The following CALCRL variants were observed in gnomAD, a reference collection of about 807,000 sequenced individuals.
CALCRL encodes calcitonin receptor like receptor.
Under a neutral mutation model 60.4 loss-of-function variants are expected in CALCRL, and 27 were observed. The observed-to-expected ratio is 0.45, with a 90% CI of 0.33 to 0.62. The LOEUF is 0.62. Ranked by LOEUF, CALCRL falls within the 20% of genes least tolerant of loss-of-function variation. CALCRL has a pLI of 0.03. For synonymous variants in CALCRL, 190 were observed against 182.6 expected (o/e 1.04, Z -0.33); for missense variants, 424 against 540.7 (o/e 0.78, Z 2.14).
intron 3 of CALCRL, among the ~76,000 whole-genome samples, chr2:187,386,848 T>G (rs1280020401): frequency 6.6e-6 from 1 of 152,100 alleles, no homozygotes; most frequent in Non-Finnish European, 1.5e-5. Context: ...TGAGAGTAAA[T>G]AAGGCTCACA....
At chr2:187,434,391 C>A (rs1469171644) in intron 1 of CALCRL, among the ~76,000 whole-genome samples, 2 of 152,194 alleles carry the variant, frequency 1.3e-5, no homozygotes, top group Non-Finnish European at 2.9e-5. Context: ...CTTACAAATT[C>A]ATTGTGACTC....
chr2:187,372,132 G>A (rs1687552494), intron 8 of CALCRL, among the ~76,000 whole-genome samples: 2 of 150,830 alleles, frequency 1.3e-5, no homozygotes, highest in Non-Finnish European at 3.0e-5. Flanking sequence ...TAGCAAAGAC[G>A]TTCTTTAAAA....
At chr2:187,409,102 C>T (rs72902495) in intron 1 of CALCRL, among the ~76,000 whole-genome samples, 41,280 of 151,966 alleles carry the variant, frequency 0.27, 6,091 homozygotes, top group Middle Eastern at 0.42. Flanking sequence ...GTAAAGAAAT[C>T]TTTTACATGT....
chr2:187,426,419 T>A (rs1324773583), intron 1 of CALCRL, among the ~76,000 whole-genome samples: 1 of 151,964 alleles, frequency 6.6e-6, no homozygotes, highest in Non-Finnish European at 1.5e-5. Flanking sequence ...AAAAAGTTCT[T>A]CCAGATTGCA....
chr2:187,349,276 C>A (rs1462457740), intron 14 of CALCRL, among the ~76,000 whole-genome samples: 1 of 151,526 alleles, frequency 6.6e-6, no homozygotes, highest in East Asian at 1.9e-4. Context: ...ACTTGTCAAG[C>A]CACATTTATT....
chr2:187,360,184 ATATTT>A (rs1385396056), intron 10 of CALCRL, among the ~76,000 whole-genome samples: 1 of 152,082 alleles, frequency 6.6e-6, no homozygotes, highest in Non-Finnish European at 1.5e-5. Flanking sequence ...TAAAATGACA[ATATTT>A]TAAACAAATA....
At chr2:187,380,117 C>G (rs1466962067) in intron 7 of CALCRL, among the ~76,000 whole-genome samples, 1 of 152,138 alleles carries the variant, frequency 6.6e-6, no homozygotes, top group African/African-American at 2.4e-5. Context: ...ATCCTGTTTA[C>G]TTGAGCACAG....
At chr2:187,413,927 G>A (rs1018325241) in intron 1 of CALCRL, among the ~76,000 whole-genome samples, 3 of 151,850 alleles carry the variant, frequency 2.0e-5, no homozygotes, top group Non-Finnish European at 2.9e-5. Flanking sequence ...ATGTAACTTG[G>A]GCAAATTATT....
chr2:187,407,094 T>A (rs1441783216), intron 1 of CALCRL, among the ~76,000 whole-genome samples: 7 of 152,002 alleles, frequency 4.6e-5, no homozygotes, highest in Non-Finnish European at 1.0e-4. Context: ...TAAAGTTACG[T>A]CTGTTTTTGT....
chr2:187,407,078 A>C (rs982676325), intron 1 of CALCRL, among the ~76,000 whole-genome samples: 1 of 151,968 alleles, frequency 6.6e-6, no homozygotes, highest in African/African-American at 2.4e-5. Context: ...ACACTATCAC[A>C]CTAGATAAAG....
intron 8 of CALCRL, among the ~76,000 whole-genome samples, chr2:187,372,279 T>C (rs1687561465): frequency 6.6e-6 from 1 of 151,948 alleles, no homozygotes; most frequent in Non-Finnish European, 1.5e-5. Context: ...TTTTAAACGG[T>C]AATTAAAATA....
intron 12 of CALCRL, among the ~76,000 whole-genome samples, chr2:187,356,772 C>A (rs987685732): frequency 5.3e-5 from 8 of 152,134 alleles, no homozygotes; most frequent in Admixed American, 6.6e-5. Context: ...GGGCTAATAT[C>A]CAGAATCTAC....
At chr2:187,422,040 G>T (rs1689896615) in intron 1 of CALCRL, among the ~76,000 whole-genome samples, 1 of 152,104 alleles carries the variant, frequency 6.6e-6, no homozygotes, top group Non-Finnish European at 1.5e-5. Flanking sequence ...AAGGAAAGTA[G>T]ACATTGTCAG....
At chr2:187,361,672 TATTTA>T (rs1386556381) in intron 9 of CALCRL, among the ~76,000 whole-genome samples, 2 of 151,988 alleles carry the variant, frequency 1.3e-5, no homozygotes, top group Non-Finnish European at 2.9e-5. Flanking sequence ...TATATTGTTT[TATTTA>T]ATTCTTAACG....
At chr2:187,419,591 G>T (rs573128874) in intron 1 of CALCRL, among the ~76,000 whole-genome samples, 1 of 152,012 alleles carries the variant, frequency 6.6e-6, no homozygotes, top group East Asian at 1.9e-4. Context: ...AGTGAAAGCT[G>T]GCAAAAATTT....
intron 1 of CALCRL, among the ~76,000 whole-genome samples, chr2:187,394,793 C>A (rs1426449003): frequency 6.6e-6 from 1 of 151,980 alleles, no homozygotes; most frequent in Non-Finnish European, 1.5e-5. Flanking sequence ...AGAAACATAT[C>A]TTTAATGCCA....
At chr2:187,350,856 C>T (rs188557149) in intron 14 of CALCRL, among the ~76,000 whole-genome samples, 1 of 151,852 alleles carries the variant, frequency 6.6e-6, no homozygotes, top group Non-Finnish European at 1.5e-5. Flanking sequence ...CACTCAGCTG[C>T]TGTCTGGATT....
intron 12 of CALCRL, among the ~76,000 whole-genome samples, chr2:187,357,059 T>C (rs1214153362): frequency 6.6e-6 from 1 of 151,994 alleles, no homozygotes; most frequent in Non-Finnish European, 1.5e-5. Context: ...TTGGTGGGAG[T>C]GTAAATTAGT....
chr2:187,407,343 A>C (rs1689181976), intron 1 of CALCRL, among the ~76,000 whole-genome samples: 1 of 152,098 alleles, frequency 6.6e-6, no homozygotes, highest in South Asian at 2.1e-4. Context: ...ATTTAGGGAG[A>C]ATAAAGACTG....
Sources: gnomAD v4.1 joint callset for allele counts (sites outside exome capture counted in the v4.1 genomes callset) on GRCh38, gnomAD v4.1.1 for gene constraint, MANE v1.5 for transcripts, NCBI Gene and HGNC (gene_info 2026-07-23, HGNC 2026-07-21) for gene names.